KDM4C: variants seen among roughly 807,000 people sequenced by gnomAD.
The protein encoded by KDM4C is lysine-specific demethylase 4C.
In KDM4C, 81 loss-of-function variants were observed where a neutral mutation model predicts 129.3. The observed-to-expected ratio is 0.63, with a 90% CI of 0.52 to 0.75. The LOEUF (loss-of-function observed/expected upper bound fraction) is 0.75. Ranked by LOEUF, KDM4C falls within the 30% of genes least tolerant of loss-of-function variation. The pLI is 0.00. For missense variants in KDM4C, 1,457 were observed against 1,304.0 expected, an observed-to-expected ratio of 1.12 and a Z score of -1.81; for synonymous variants, 573 against 456.1, an observed-to-expected ratio of 1.26 and a Z score of -3.26.
intron 11 of KDM4C, chr9:6,986,911 T>TA: frequency 2.4e-6 from 1 of 418,830 alleles, no homozygotes; most frequent in Non-Finnish European, 4.2e-6. Context: ...TTTTTTTTGT[T>TA]AAAAAATTAA....
At chr9:6,757,138 T>C (rs551891926), upstream of KDM4C, among the ~76,000 whole-genome samples, 14 of 152,298 alleles carry the variant, frequency 9.2e-5, no homozygotes, top group East Asian at 1.9e-3. Flanking sequence ...TTCTGACACC[T>C]CGGAAGGCGG....
At chr9:7,167,584 G>A (rs1844520537) in intron 20 of KDM4C, among the ~76,000 whole-genome samples, 1 of 152,222 alleles carries the variant, frequency 6.6e-6, no homozygotes, top group Non-Finnish European at 1.5e-5. Context: ...TCCCGGAAGT[G>A]ACAGCAAGGG....
chr9:6,818,389 G>T (rs1205427574), intron 4 of KDM4C, among the ~76,000 whole-genome samples: 1 of 152,194 alleles, frequency 6.6e-6, no homozygotes, highest in Non-Finnish European at 1.5e-5. Context: ...CTAAATGTAA[G>T]TTTAGCTGTT....
At chr9:6,756,084 A>AT (rs1212817661), upstream of KDM4C, among the ~76,000 whole-genome samples, 1 of 152,144 alleles carries the variant, frequency 6.6e-6, no homozygotes, top group Non-Finnish European at 1.5e-5. Context: ...AGGTTTCCAG[A>AT]TTTTTTATTC....
At chr9:6,975,671 T>C (rs1034644914) in intron 8 of KDM4C, among the ~76,000 whole-genome samples, 2 of 152,160 alleles carry the variant, frequency 1.3e-5, no homozygotes, top group Non-Finnish European at 1.5e-5. Context: ...AGCTCATGGT[T>C]AAGTATAGAG....
At chr9:7,130,880 T>A (rs1363909809) in intron 19 of KDM4C, among the ~76,000 whole-genome samples, 1 of 151,798 alleles carries the variant, frequency 6.6e-6, no homozygotes, top group African/African-American at 2.4e-5. Context: ...CGCCTCAGCC[T>A]CTTGAGTAGC....
upstream of KDM4C, among the ~76,000 whole-genome samples, chr9:6,756,555 G>T (rs1056587837): frequency 1.3e-5 from 2 of 152,126 alleles, no homozygotes; most frequent in African/African-American, 4.8e-5. Context: ...TGTCTCTACT[G>T]AAAATACAAA....
At chr9:6,913,721 C>T (rs1006872443) in intron 8 of KDM4C, among the ~76,000 whole-genome samples, 1 of 152,166 alleles carries the variant, frequency 6.6e-6, no homozygotes, top group African/African-American at 2.4e-5. Flanking sequence ...AGTTTCTACT[C>T]TATTATGATA....
chr9:7,083,286 A>G (rs915789163), intron 17 of KDM4C, among the ~76,000 whole-genome samples: 20 of 152,236 alleles, frequency 1.3e-4, no homozygotes, highest in African/African-American at 3.6e-4. Context: ...AAATACTCCA[A>G]TGGGCATTTC....
Position 6,744,381 on chromosome 9 carries a change from T to C in KDM4C, c.49+23384T>C, listed in dbSNP as rs574771901. On this transcript the variant is annotated intron_variant, in intron 1 of 17. Coordinates refer to the KDM4C transcript ENST00000536108. ...TCTACTAAAAACTACAAGAATTAGC[T>C]GGGCATGGTGGCGTGCGCCTGTAAT... Among the ~76,000 whole-genome samples, 25 of 152,076 alleles carry C rather than the reference T, an allele frequency of 1.6e-4. 1 individual carries two copies. The South Asian group carries it at 2.1e-3, about 13-fold the overall frequency.
chr9:6,830,819 A>G (rs1262823910), intron 4 of KDM4C, among the ~76,000 whole-genome samples: 1 of 152,224 alleles, frequency 6.6e-6, no homozygotes, highest in African/African-American at 2.4e-5. Context: ...GCCATGTGTT[A>G]TGAGAGTGTG....
intron 18 of KDM4C, among the ~76,000 whole-genome samples, chr9:7,114,886 C>T (rs552483225): frequency 1.4e-3 from 206 of 152,216 alleles, no homozygotes; most frequent in Non-Finnish European, 2.4e-3. Flanking sequence ...CGATATCAGC[C>T]TGGGCAACAC....
intron 19 of KDM4C, among the ~76,000 whole-genome samples, chr9:7,159,976 T>A (rs1342934051): frequency 6.6e-6 from 1 of 152,226 alleles, no homozygotes; most frequent in Non-Finnish European, 1.5e-5. Context: ...ACCAATCAAA[T>A]GCAGATTTGG....
upstream of KDM4C, among the ~76,000 whole-genome samples, chr9:6,754,646 G>A (rs544425200): frequency 2.0e-4 from 30 of 152,092 alleles, no homozygotes; most frequent in East Asian, 5.0e-3. Context: ...AGGCTGAGGC[G>A]GGAGGATCAT....
intron 15 of KDM4C, among the ~76,000 whole-genome samples, chr9:7,043,064 T>G (rs773689844): frequency 6.6e-6 from 1 of 152,080 alleles, no homozygotes; most frequent in Non-Finnish European, 1.5e-5. Context: ...TGGATGATTT[T>G]AGGAATATCA....
At chr9:6,764,451 G>A (rs937902356) in intron 1 of KDM4C, among the ~76,000 whole-genome samples, 6 of 152,090 alleles carry the variant, frequency 3.9e-5, no homozygotes, top group East Asian at 3.8e-4. Flanking sequence ...TTGATGGGTG[G>A]TATATTTTGC....
At chr9:6,829,057 A>AC (rs1409859808) in intron 4 of KDM4C, among the ~76,000 whole-genome samples, 1 of 152,230 alleles carries the variant, frequency 6.6e-6, no homozygotes, top group African/African-American at 2.4e-5. Flanking sequence ...TGATTGTGAG[A>AC]CGTGTCAGCA....
At chr9:6,788,879 C>T (rs1050460314) in intron 1 of KDM4C, among the ~76,000 whole-genome samples, 2 of 152,110 alleles carry the variant, frequency 1.3e-5, no homozygotes, top group African/African-American at 2.4e-5. Flanking sequence ...GGTGAGGAAG[C>T]AGGCAGAGGC....
intron 8 of KDM4C, among the ~76,000 whole-genome samples, chr9:6,927,122 TC>T (rs1822759187): frequency 6.6e-6 from 1 of 151,898 alleles, no homozygotes; most frequent in Admixed American, 6.6e-5. Context: ...TATCTATCTA[TC>T]TATCTATCTA....
Sources: allele counts gnomAD v4.1 joint callset (sites outside exome capture counted in the v4.1 genomes callset), GRCh38; gene constraint gnomAD v4.1.1; transcripts MANE v1.5; gene names NCBI Gene and HGNC (gene_info 2026-07-23, HGNC 2026-07-21).